The following RGS6 variants were observed in gnomAD, a reference collection of about 807,000 sequenced individuals.
RGS6 encodes the protein regulator of G protein signaling 6.
RGS6 carries 30 observed loss-of-function variants against 78.5 expected under a neutral mutation model. That is an observed-to-expected ratio of 0.38 (90% CI 0.29 to 0.52). RGS6 has a LOEUF of 0.52. Ranked by LOEUF, RGS6 falls within the 20% of genes least tolerant of loss-of-function variation. RGS6 has a pLI of 0.85. For missense variants in RGS6, 495 were observed against 609.7 expected, an observed-to-expected ratio of 0.81 and a Z score of 1.98; for synonymous variants, 206 against 206.0, an observed-to-expected ratio of 1.00 and a Z score of 0.00.
intron 14 of RGS6, among the ~76,000 whole-genome samples, chr14:72,515,428 G>A (rs1886393936): frequency 6.6e-6 from 1 of 152,238 alleles, no homozygotes; most frequent in African/African-American, 2.4e-5. Context: ...CACTTTGGGA[G>A]GCCAAGGCGG....
intron 1 of RGS6, among the ~76,000 whole-genome samples, chr14:71,943,332 T>C (rs909365192): frequency 3.3e-5 from 5 of 152,184 alleles, no homozygotes; most frequent in African/African-American, 1.2e-4. Context: ...CTGTATGAAG[T>C]ATGGGGCATA....
intron 2 of RGS6, among the ~76,000 whole-genome samples, chr14:72,140,188 G>A (rs2096519490): frequency 6.6e-6 from 1 of 152,158 alleles, no homozygotes; most frequent in Admixed American, 6.5e-5. Context: ...ATGGGCACCA[G>A]CATCCACAAC....
At chr14:72,137,143 C>G (rs2096456670) in intron 2 of RGS6, among the ~76,000 whole-genome samples, 1 of 152,182 alleles carries the variant, frequency 6.6e-6, no homozygotes, top group Non-Finnish European at 1.5e-5. Context: ...CACACATAAA[C>G]TAAGGTGCAG....
intron 17 of RGS6, among the ~76,000 whole-genome samples, chr14:72,559,390 GC>G (rs1248697175): frequency 6.6e-6 from 1 of 152,204 alleles, no homozygotes; most frequent in Non-Finnish European, 1.5e-5. Context: ...CTTCCCCAAA[GC>G]CCCGGGCCAG....
At position 72,271,295 on chromosome 14, in the gene RGS6, G is replaced by A. The variant is rs1280470266; in HGVS notation, c.85-80800G>A. ...GAAGTTGAGAGAAAAGCAAAGGGAC[G>A]TCTTACATGGTGGCAGGCAAGAGAG... is the stretch of plus-strand genomic sequence containing the variant. On this transcript the variant is annotated intron_variant, in intron 2 of 17. Transcript: ENST00000553525. Among the ~76,000 whole-genome samples the A allele has an allele frequency of 2.0e-5, 3 of 152,296 alleles. No individual in the cohort carries two copies. The East Asian group carries it at 5.8e-4, about 29-fold the overall frequency.
At chr14:72,299,516 A>G (rs2065603214) in intron 2 of RGS6, among the ~76,000 whole-genome samples, 2 of 152,248 alleles carry the variant, frequency 1.3e-5, no homozygotes, top group Admixed American at 6.5e-5. Flanking sequence ...TTTCTGGATC[A>G]TAACGTAACT....
rs192325350 is a variant in RGS6, at chr14:72,233,471, C to A, written c.85-118624C>A. Among the ~76,000 whole-genome samples the A allele has an allele frequency of 2.2e-4, 34 of 152,268 alleles. 1 individual carries two copies. In the East Asian group the frequency reaches 6.4e-3, roughly 29 times the overall value. On this transcript the variant is annotated intron_variant, in intron 2 of 17. Transcript: ENST00000553525. Reference sequence around the variant, plus strand: ...CAAACCTCGTGGGACTTATAGATGGCTTATCAATGTGGAAACTGTATTAAA... The same window carrying A: ...CAAACCTCGTGGGACTTATAGATGGATTATCAATGTGGAAACTGTATTAAA...
intron 3 of RGS6, among the ~76,000 whole-genome samples, chr14:72,435,386 C>T (rs1414135337): frequency 6.6e-6 from 1 of 152,160 alleles, no homozygotes; most frequent in Non-Finnish European, 1.5e-5. Context: ...CCTGCTTTGG[C>T]TGAGCACCTT....
intron 2 of RGS6, among the ~76,000 whole-genome samples, chr14:72,160,162 G>A (rs186656579): frequency 2.6e-5 from 4 of 152,218 alleles, no homozygotes; most frequent in East Asian, 3.9e-4. Flanking sequence ...GTAGATATAA[G>A]CTAAACCTCT....
chr14:72,167,817 T>C (rs1467430129), intron 2 of RGS6, among the ~76,000 whole-genome samples: 1 of 152,122 alleles, frequency 6.6e-6, no homozygotes, highest in Non-Finnish European at 1.5e-5. Context: ...ATATAATAGC[T>C]AATATTAAAT....
At chr14:72,405,967 G>T (rs754091643) in intron 3 of RGS6, among the ~76,000 whole-genome samples, 1 of 152,204 alleles carries the variant, frequency 6.6e-6, no homozygotes, top group Non-Finnish European at 1.5e-5. Context: ...TTTCCTCCAG[G>T]ATTGCTGGGG....
intron 3 of RGS6, among the ~76,000 whole-genome samples, chr14:72,393,264 G>A (rs577811585): frequency 6.6e-6 from 1 of 152,308 alleles, no homozygotes; most frequent in South Asian, 2.1e-4. Context: ...TGTGATGTAA[G>A]GTGGAATTTA....
At chr14:72,454,243 C>G (rs2095571884) in intron 3 of RGS6, among the ~76,000 whole-genome samples, 1 of 152,176 alleles carries the variant, frequency 6.6e-6, no homozygotes, top group Non-Finnish European at 1.5e-5. Context: ...AAAGCTTCAC[C>G]TAGCACGTCT....
chr14:72,199,660 C>G (rs2041028511), intron 2 of RGS6, among the ~76,000 whole-genome samples: 1 of 152,170 alleles, frequency 6.6e-6, no homozygotes, highest in African/African-American at 2.4e-5. Flanking sequence ...CAGTAGGTGG[C>G]TGTTCCCACA....
At chr14:72,292,303 C>G (rs970273916) in intron 2 of RGS6, among the ~76,000 whole-genome samples, 1 of 152,216 alleles carries the variant, frequency 6.6e-6, no homozygotes, top group Non-Finnish European at 1.5e-5. Flanking sequence ...GAACCTGTAT[C>G]TGGTGTATCA....
At chr14:71,987,740 T>C (rs2094779890) in intron 2 of RGS6, among the ~76,000 whole-genome samples, 1 of 152,136 alleles carries the variant, frequency 6.6e-6, no homozygotes, top group Admixed American at 6.6e-5. Context: ...AGGCTGGGCT[T>C]GAACTCCTGG....
chr14:71,867,616 C>T, the RGS6 span, among the ~76,000 whole-genome samples: 1 of 152,192 alleles, frequency 6.6e-6, no homozygotes, highest in East Asian at 1.9e-4. Flanking sequence ...GGAATGTCTT[C>T]GAGAGGGGTA....
At chr14:72,013,050 C>T (rs1276386346) in intron 2 of RGS6, among the ~76,000 whole-genome samples, 1 of 152,006 alleles carries the variant, frequency 6.6e-6, no homozygotes, top group Admixed American at 6.6e-5. Context: ...GTGGGCGGAT[C>T]ACCTGAGGTC....
At chr14:72,622,366 C>T in the RGS6 span, among the ~76,000 whole-genome samples, 3 of 152,136 alleles carry the variant, frequency 2.0e-5, no homozygotes, top group East Asian at 1.9e-4. Flanking sequence ...CTGTAGTTTA[C>T]GCCAAAACAG....
Sources: allele counts gnomAD v4.1 joint callset (sites outside exome capture counted in the v4.1 genomes callset), GRCh38; gene constraint gnomAD v4.1.1; transcripts MANE v1.5; gene names NCBI Gene and HGNC (gene_info 2026-07-23, HGNC 2026-07-21).